The following PDGFRA variants were observed in gnomAD, a reference collection of about 807,000 sequenced individuals.
PDGFRA encodes platelet derived growth factor receptor alpha.
PDGFRA carries 25 observed loss-of-function variants against 121.5 expected under a neutral mutation model. The observed-to-expected ratio is 0.21, with a 90% CI of 0.15 to 0.29. The LOEUF (loss-of-function observed/expected upper bound fraction) is 0.29. PDGFRA is among the 10% of genes least tolerant of loss of function. The probability of loss-of-function intolerance (pLI) is 1.00; values close to 1 mark genes in which losing one functional copy is unlikely to be tolerated. For synonymous variants in PDGFRA, 463 were observed against 494.8 expected, an observed-to-expected ratio of 0.94 and a Z score of 0.85; for missense variants, 1,008 against 1,345.1, an observed-to-expected ratio of 0.75 and a Z score of 3.92.
At chr4:54,255,090 A>G (rs1203162338) in intron 1 of PDGFRA, among the ~76,000 whole-genome samples, 1 of 152,102 alleles carries the variant, frequency 6.6e-6, no homozygotes, top group East Asian at 1.9e-4. Flanking sequence ...TTGTATTAGA[A>G]TTTTGGCTCT....
chr4:54,283,160 C>T (rs1296118811), intron 16 of PDGFRA, among the ~76,000 whole-genome samples: 3 of 152,180 alleles, frequency 2.0e-5, no homozygotes, highest in Admixed American at 1.3e-4. Context: ...CGAGGCAGTG[C>T]CCCAGTGGAG....
chr4:54,246,299 T>C (rs1366262803), intron 1 of PDGFRA, among the ~76,000 whole-genome samples: 1 of 152,108 alleles, frequency 6.6e-6, no homozygotes, highest in Non-Finnish European at 1.5e-5. Flanking sequence ...TATCCCAAAA[T>C]TGACCACATA....
Position 54,267,742 on chromosome 4 carries a change from G to A in PDGFRA, c.1121+1G>A. Reference sequence around the variant, plus strand: ...ATGTGGAAAAGATTCAGGAAATAAGGTAAAGAAACTCTCTGCCCAAGTATG... The same window carrying A: ...ATGTGGAAAAGATTCAGGAAATAAGATAAAGAAACTCTCTGCCCAAGTATG... On this transcript the variant is annotated splice_donor_variant, in intron 7 of 22. Coordinates refer to ENST00000257290, the MANE Select transcript of PDGFRA (RefSeq NM_006206.6). LOFTEE classifies it high-confidence loss of function. 1.2e-6 allele frequency: 2 copies of A among 1,612,886 alleles called. No individual in the cohort carries two copies. The highest frequency in any genetic ancestry group is 1.1e-5 in the South Asian group (1 of 91,040).
chr4:54,239,575 G>A lies in PDGFRA; in HGVS notation c.-13+10160G>A, dbSNP rs113921816. Among the ~76,000 whole-genome samples the A allele has an allele frequency of 3.1e-4, 47 of 152,302 alleles. 1 individual carries two copies. The highest frequency in any genetic ancestry group is 7.7e-4 in the East Asian group (4 of 5,172). On this transcript the variant is annotated intron_variant, in intron 1 of 22. Coordinates refer to ENST00000257290, the MANE Select transcript of PDGFRA (RefSeq NM_006206.6). ...TGATTGGCACTGTTTGGGCTTCACC[G>A]GTGGGTGAGTCTCTCCTTGCCCAGA...
chr4:54,243,250 C>T (rs1259423333), intron 1 of PDGFRA, among the ~76,000 whole-genome samples: 3 of 152,106 alleles, frequency 2.0e-5, no homozygotes, highest in Non-Finnish European at 4.4e-5. Flanking sequence ...GGCTCAACAC[C>T]TGCTACATAA....
rs1471568668 is a variant in PDGFRA, at chr4:54,296,117, G to A, written c.*845G>A. The A allele has an allele frequency of 4.3e-6, 1 of 232,548 alleles. No homozygotes were observed. The highest frequency in any genetic ancestry group is 8.5e-6 in the Non-Finnish European group (1 of 117,528). 14.4% of individuals were successfully genotyped at this position (232,548 alleles called of 1,614,324 possible). A position where few individuals can be genotyped will look rare whatever the true frequency, so the allele number is the denominator to read the frequency against. On this transcript the variant is annotated 3_prime_UTR_variant, in exon 23 of 23. Transcript: ENST00000257290. ...GCTTTAGTGAATTAAATTTAGTTGA[G>A]CATAGAGAACAAAGTAAAAGTAGTG...
chr4:54,251,469 A>C (rs1464658872), intron 1 of PDGFRA, among the ~76,000 whole-genome samples: 1 of 152,232 alleles, frequency 6.6e-6, no homozygotes, highest in Non-Finnish European at 1.5e-5. Context: ...TATTTGCCTA[A>C]GTGCAGTAAG....
chr4:54,280,698 T>G (rs773498480), intron 16 of PDGFRA: 4 of 418,650 alleles, frequency 9.6e-6, no homozygotes, highest in African/African-American at 2.0e-5. Flanking sequence ...ACAAATTTTT[T>G]AAACTTTAAA....
chr4:54,270,509 C>T (rs1279711484), intron 7 of PDGFRA, 124 bp from the exon 8 acceptor site: 2 of 669,198 alleles, frequency 3.0e-6, no homozygotes. Flanking sequence ...ATGATATGGA[C>T]AAGAAAAAAA....
At chr4:54,277,738 A>T (rs116215839) in intron 13 of PDGFRA, among the ~76,000 whole-genome samples, 158 bp from the exon 14 acceptor site, 1 of 152,224 alleles carries the variant, frequency 6.6e-6, no homozygotes. Flanking sequence ...ACCAGGAATT[A>T]GTTATTAGCA....
At position 54,295,602 on chromosome 4, in the gene PDGFRA, G is replaced by A; in HGVS notation, c.*330G>A. The stretch of plus-strand genomic sequence containing the variant: ...GAGTCCAACAGACACAATTTATACT[G>A]CGACAGAACTTCAGCATTGTAATTA... On this transcript the variant is annotated 3_prime_UTR_variant, in exon 23 of 23. Transcript: ENST00000257290. 2.4e-6 allele frequency: 1 copy of A among 417,396 alleles called. No homozygotes were observed. The highest frequency in any genetic ancestry group is 4.4e-6 in the Non-Finnish European group (1 of 225,512). 25.9% of individuals were successfully genotyped at this position (417,396 alleles called of 1,614,324 possible).
intron 1 of PDGFRA, among the ~76,000 whole-genome samples, chr4:54,231,117 G>A (rs916439858): frequency 1.3e-5 from 2 of 152,204 alleles, no homozygotes; most frequent in Admixed American, 1.3e-4. Context: ...CAGCCAGAGC[G>A]CCGGTCCCGC....
chr4:54,245,310 A>G (rs1351388932), intron 1 of PDGFRA, among the ~76,000 whole-genome samples: 2 of 152,232 alleles, frequency 1.3e-5, no homozygotes, highest in African/African-American at 2.4e-5. Flanking sequence ...GGGCAGCCAG[A>G]GAGTAAGGTC....
intron 1 of PDGFRA, among the ~76,000 whole-genome samples, chr4:54,239,198 A>G (rs1286646232): frequency 1.3e-5 from 2 of 152,204 alleles, no homozygotes; most frequent in Admixed American, 6.5e-5. Flanking sequence ...TATATGGTCT[A>G]AAAAGGGGAG....
intron 8 of PDGFRA, among the ~76,000 whole-genome samples, chr4:54,271,026 CTCCTGGGT>C (rs1370430758): frequency 1.3e-5 from 2 of 152,068 alleles, no homozygotes; most frequent in African/African-American, 4.8e-5. Flanking sequence ...TCAGGCTGGT[CTCCTGGGT>C]TCAAGCTATC....
chr4:54,253,432 T>C (rs544703883), intron 1 of PDGFRA, among the ~76,000 whole-genome samples: 1 of 152,268 alleles, frequency 6.6e-6, no homozygotes, highest in South Asian at 2.1e-4. Flanking sequence ...CCATCCTTTC[T>C]TCTGAGAGAA....
At position 54,272,502 on chromosome 4, in the gene PDGFRA, T is replaced by C; in HGVS notation, c.1346T>C (p.Ile449Thr). ...GTPLPDIEWM[I>T]CKDIKKCNNE... Reference sequence around the variant, plus strand: ...CCGCTTCCTGATATTGAGTGGATGATATGCAAAGATATTAAGAAGTATGGA... The same window carrying C: ...CCGCTTCCTGATATTGAGTGGATGACATGCAAAGATATTAAGAAGTATGGA... Residue 449 changes from isoleucine to threonine, a missense_variant, in exon 9 of 23, where the codon ATA (isoleucine) becomes ACA (threonine). Ile to Thr is a moderately conservative substitution (Grantham distance 89). Around this residue, in one of 5 missense-constraint regions of PDGFRA, gnomAD observed 575 missense variants for 701.8 expected, o/e 0.82. Coordinates refer to ENST00000257290, the MANE Select transcript of PDGFRA (RefSeq NM_006206.6). 1 of 1,614,064 alleles carries C rather than the reference T, an allele frequency of 6.2e-7. No homozygotes were observed. Among genetic ancestry groups the C allele is most frequent in the South Asian group, 1.1e-5 (1 of 91,086 alleles).
chr4:54,261,208 G>A lies in PDGFRA; in HGVS notation c.163G>A (p.Val55Met), dbSNP rs773412686. The stretch of plus-strand genomic sequence containing the variant: ...TCTGAGATGCTTTGGGGAGAGTGAA[G>A]TGAGCTGGCAGTACCCCATGTCTGA... ...FSLRCFGESEVSWQYPMSEEE... is the reference protein window; with the variant it reads ...FSLRCFGESEMSWQYPMSEEE... Residue 55 changes from valine to methionine, a missense_variant, in exon 3 of 23, where the codon GTG becomes ATG. Around this residue, in one of 5 missense-constraint regions of PDGFRA, gnomAD observed 575 missense variants for 701.8 expected, o/e 0.82. Transcript: ENST00000257290. 6.2e-7 allele frequency: 1 copy of A among 1,614,196 alleles called. No individual in the cohort carries two copies. Among genetic ancestry groups the A allele is most frequent in the Admixed American group, 1.7e-5 (1 of 60,016 alleles).
At chr4:54,280,524 G>A (rs1267455427) in intron 16 of PDGFRA, 42 bp downstream of exon 16, 1 of 1,508,496 alleles carries the variant, frequency 6.6e-7, no homozygotes, top group Non-Finnish European at 9.2e-7. Flanking sequence ...GGACTTTCCA[G>A]TGGTTTAATA....
Sources: allele counts gnomAD v4.1 joint callset (sites outside exome capture counted in the v4.1 genomes callset), GRCh38; gene constraint gnomAD v4.1.1; regional missense constraint gnomAD v4.1.1; transcripts MANE v1.5; gene names NCBI Gene and HGNC (gene_info 2026-07-23, HGNC 2026-07-21).